LARS2: variants seen among roughly 807,000 people sequenced by gnomAD.
LARS2 encodes leucyl-tRNA synthetase 2, mitochondrial.
Under a neutral mutation model 116.6 loss-of-function variants are expected in LARS2, and 81 were observed. That is an observed-to-expected ratio of 0.69 (90% CI 0.58 to 0.84). The LOEUF (loss-of-function observed/expected upper bound fraction) is 0.84, where lower values mean the gene tolerates loss of function less well. Among genes scored for constraint, LARS2 ranks in the 40% least tolerant of loss-of-function variants. The pLI is 0.00. For synonymous variants in LARS2, 396 were observed against 407.2 expected (o/e 0.97, Z 0.33); for missense variants, 968 against 1,114.5 (o/e 0.87, Z 1.87).
chr3:45,494,375 CA>C (rs1699973794), intron 13 of LARS2, among the ~76,000 whole-genome samples: 1 of 152,154 alleles, frequency 6.6e-6, no homozygotes, highest in African/African-American at 2.4e-5. Context: ...ATTAAAAATA[CA>C]CTCAAGCCCA....
In LARS2 at chr3:45,417,532, C is replaced by T. The variant is rs141415249; in HGVS notation, c.414C>T (p.Ala138=). Residue 138 remains alanine, a synonymous_variant, in exon 5 of 22, where the codon GCC becomes GCT. Transcript: ENST00000645846. ...WDAFGLPAEN[A]AVERNLHPQS... The stretch of plus-strand genomic sequence containing the variant: ...CTTTTGGATTGCCTGCTGAAAATGC[C>T]GCAGTCGAGAGGAATCTACATCCAC... The T allele has an allele frequency of 5.8e-5, 93 of 1,613,916 alleles. No homozygotes were observed. The highest frequency in any genetic ancestry group is 1.9e-4 in the African/African-American group (14 of 74,894).
chr3:45,414,973 G>A (rs1021033275), intron 4 of LARS2, among the ~76,000 whole-genome samples: 1 of 152,192 alleles, frequency 6.6e-6, no homozygotes, highest in Non-Finnish European at 1.5e-5. Flanking sequence ...TTTCCTGACA[G>A]GGGCAGGGAG....
chr3:45,458,917 T>C, intron 8 of LARS2, 31 bp downstream of exon 8: 2 of 1,611,156 alleles, frequency 1.2e-6, no homozygotes, highest in African/African-American at 1.3e-5. Context: ...TCCCCACTAA[T>C]GCCTTACATG....
At chr3:45,442,089 A>G (rs1212053571) in intron 6 of LARS2, among the ~76,000 whole-genome samples, 1 of 152,360 alleles carries the variant, frequency 6.6e-6, no homozygotes, top group South Asian at 2.1e-4. Context: ...TTTTGTAGCT[A>G]TAACTTTGAA....
chr3:45,535,605 A>C (rs1410795706), intron 20 of LARS2, among the ~76,000 whole-genome samples: 2 of 152,182 alleles, frequency 1.3e-5, no homozygotes, highest in Admixed American at 1.3e-4. Flanking sequence ...GAACATATTC[A>C]TGGTTGCCAT....
intron 8 of LARS2, among the ~76,000 whole-genome samples, chr3:45,465,024 G>A (rs1008052989): frequency 1.6e-4 from 24 of 152,006 alleles, no homozygotes; most frequent in African/African-American, 5.8e-4. Flanking sequence ...GGGGTAGGAG[G>A]CCAGAGCCCA....
chr3:45,467,566 A>G (rs1032345221), intron 8 of LARS2, among the ~76,000 whole-genome samples: 24 of 152,242 alleles, frequency 1.6e-4, no homozygotes, highest in Admixed American at 1.0e-3. Flanking sequence ...TTAGTTTTAA[A>G]TTGAATGCTC....
chr3:45,504,383 C>G (rs1905148), intron 15 of LARS2, among the ~76,000 whole-genome samples: 2 of 152,038 alleles, frequency 1.3e-5, no homozygotes, highest in African/African-American at 4.8e-5. Context: ...CTTCACTTAA[C>G]CCTCGGACCA....
intron 2 of LARS2, 42 bp from the exon 3 acceptor site, chr3:45,394,391 G>A: frequency 8.6e-7 from 1 of 1,157,878 alleles, no homozygotes; most frequent in East Asian, 2.4e-5. Flanking sequence ...TCTGGGGAGG[G>A]TTTGAGGCAG....
chr3:45,430,761 A>T (rs559434084), intron 6 of LARS2, among the ~76,000 whole-genome samples: 35 of 147,118 alleles, frequency 2.4e-4, no homozygotes, highest in Non-Finnish European at 3.9e-4. Context: ...ATTTTTTTGT[A>T]TCTTTAGTAG....
At chr3:45,517,879 C>A (rs370399866) in intron 17 of LARS2, 24 bp from the exon 18 acceptor site, 2 of 1,600,146 alleles carry the variant, frequency 1.2e-6, no homozygotes, top group Non-Finnish European at 1.7e-6. Flanking sequence ...CTCTCTCTTT[C>A]TCATTTACTG....
At chr3:45,415,915 A>G (rs1698413393) in intron 4 of LARS2, among the ~76,000 whole-genome samples, 1 of 149,890 alleles carries the variant, frequency 6.7e-6, no homozygotes, top group African/African-American at 2.5e-5. Flanking sequence ...AGAGAGAGAG[A>G]GAGAGAGAGG....
chr3:45,500,889 G>A (rs1700106615), intron 15 of LARS2, among the ~76,000 whole-genome samples: 2 of 152,046 alleles, frequency 1.3e-5, no homozygotes, highest in Admixed American at 6.6e-5. Context: ...CTCATGTGAG[G>A]TCATGCTTAT....
chr3:45,415,860 A>G (rs13099471), intron 4 of LARS2, among the ~76,000 whole-genome samples: 1 of 92,742 alleles, frequency 1.1e-5, no homozygotes, highest in Non-Finnish European at 2.1e-5. Context: ...AAAAAAAAAA[A>G]ATATATATAT....
intron 7 of LARS2, among the ~76,000 whole-genome samples, chr3:45,449,002 T>G (rs1320962500): frequency 6.6e-6 from 1 of 152,148 alleles, no homozygotes; most frequent in African/African-American, 2.4e-5. Flanking sequence ...GCAGCAGAAA[T>G]GTATTTCCTC....
chr3:45,475,123 C>T (rs578028781), intron 9 of LARS2, among the ~76,000 whole-genome samples: 8 of 152,276 alleles, frequency 5.3e-5, no homozygotes, highest in Admixed American at 4.6e-4. Flanking sequence ...CTGCTCTGTT[C>T]ATTTAGCGTC....
chr3:45,465,401 A>C (rs1160715507), intron 8 of LARS2, among the ~76,000 whole-genome samples: 1 of 152,182 alleles, frequency 6.6e-6, no homozygotes, highest in African/African-American at 2.4e-5. Flanking sequence ...ACCAGGTGGA[A>C]GTTGTTACTG....
intron 3 of LARS2, among the ~76,000 whole-genome samples, chr3:45,399,381 G>C (rs1303968514): frequency 1.3e-5 from 2 of 152,124 alleles, no homozygotes; most frequent in Non-Finnish European, 2.9e-5. Context: ...TGAATTATAT[G>C]GATATATGTA....
chr3:45,391,168 T>C (rs1450653911), intron 1 of LARS2, among the ~76,000 whole-genome samples: 2 of 152,168 alleles, frequency 1.3e-5, no homozygotes, highest in Non-Finnish European at 2.9e-5. Flanking sequence ...CAGAACATCC[T>C]GCACCCTCTT....
Sources: gnomAD v4.1 joint callset for allele counts (sites outside exome capture counted in the v4.1 genomes callset) on GRCh38, gnomAD v4.1.1 for gene constraint, MANE v1.5 for transcripts, NCBI Gene and HGNC (gene_info 2026-07-23, HGNC 2026-07-21) for gene names.